The following DGKG variants were observed in gnomAD, a reference collection of about 807,000 sequenced individuals.
DGKG encodes the protein DAG kinase gamma.
A neutral mutation model predicts 105.3 loss-of-function variants in DGKG; 78 were observed. The ratio of observed to expected loss-of-function variants is 0.74; its 90% CI spans 0.62 to 0.89. DGKG has a LOEUF of 0.89. DGKG is among the 40% of genes least tolerant of loss of function. The pLI is 0.00. For synonymous variants in DGKG, 346 were observed against 367.1 expected (o/e 0.94, Z 0.66); for missense variants, 958 against 1,020.1 (o/e 0.94, Z 0.83).
At chr3:186,310,413 T>TA (rs890444469) in intron 2 of DGKG, among the ~76,000 whole-genome samples, 13 of 152,220 alleles carry the variant, frequency 8.5e-5, no homozygotes, top group African/African-American at 2.9e-4. Context: ...CAATACCCTT[T>TA]AAAAAAGGGA....
intron 1 of DGKG, among the ~76,000 whole-genome samples, chr3:186,321,206 G>T (rs1224286509): frequency 1.3e-5 from 2 of 152,224 alleles, no homozygotes; most frequent in Non-Finnish European, 2.9e-5. Context: ...GGAATGGGCT[G>T]CTGGCCTCAA....
intron 21 of DGKG, among the ~76,000 whole-genome samples, chr3:186,205,380 A>C (rs1269729185): frequency 6.6e-6 from 1 of 152,014 alleles, no homozygotes; most frequent in Non-Finnish European, 1.5e-5. Flanking sequence ...TGGGGCCTTC[A>C]GCTTTATCTG....
intron 5 of DGKG, among the ~76,000 whole-genome samples, chr3:186,289,426 A>C (rs1406519552): frequency 6.6e-6 from 1 of 152,220 alleles, no homozygotes; most frequent in Non-Finnish European, 1.5e-5. Context: ...TGGATGAAGA[A>C]AATGCAGAAA....
At chr3:186,175,571 G>A (rs6770223) in intron 22 of DGKG, among the ~76,000 whole-genome samples, 59,201 of 151,920 alleles carry the variant, frequency 0.39, 13,150 homozygotes, top group East Asian at 0.74. Context: ...CTGAAGCAAG[G>A]GTCTGACAGG....
intron 20 of DGKG, among the ~76,000 whole-genome samples, chr3:186,227,903 G>A (rs1719931244): frequency 6.6e-6 from 1 of 152,000 alleles, no homozygotes; most frequent in African/African-American, 2.4e-5. Context: ...TATGCAAAAG[G>A]GCAATAATTT....
At chr3:186,202,062 A>G (rs951851143) in intron 21 of DGKG, among the ~76,000 whole-genome samples, 6 of 152,212 alleles carry the variant, frequency 3.9e-5, no homozygotes, top group African/African-American at 1.4e-4. Context: ...TCTTGGGAGT[A>G]CTTACTTGTT....
chr3:186,234,703 G>A (rs886978764), intron 20 of DGKG, among the ~76,000 whole-genome samples: 1 of 152,194 alleles, frequency 6.6e-6, no homozygotes, highest in Non-Finnish European at 1.5e-5. Flanking sequence ...ACCTTGTAGG[G>A]AGGCTTGAGA....
chr3:186,306,128 T>A (rs1274737611), intron 3 of DGKG, among the ~76,000 whole-genome samples: 13 of 151,922 alleles, frequency 8.6e-5, no homozygotes, highest in Non-Finnish European at 1.8e-4. Flanking sequence ...GTGATTTGAG[T>A]GGAAGAGTGA....
At chr3:186,334,363 G>A (rs944588512) in intron 1 of DGKG, among the ~76,000 whole-genome samples, 2 of 152,164 alleles carry the variant, frequency 1.3e-5, no homozygotes, top group African/African-American at 2.4e-5. Flanking sequence ...AACTGATGGA[G>A]GGTGGATTTA....
chr3:186,231,640 C>T lies in DGKG; in HGVS notation c.1826+10864G>A, dbSNP rs1720157505. ...TCATGCTTTAAAAACTATACTAGGC[C>T]AGGTGTGGTCACTCACGCCTGTAAT... On this transcript the variant is annotated intron_variant, in intron 20 of 24. Transcript: ENST00000265022. This position sits in a 1 kb window ranked among gnomAD's most constrained non-coding sequence, Gnocchi z 4.5. Among the ~76,000 whole-genome samples the T allele has an allele frequency of 6.6e-6, 1 of 152,104 alleles. No homozygotes were observed. The highest frequency in any genetic ancestry group is 6.5e-5 in the Admixed American group (1 of 15,274).
At chr3:186,297,538 A>G in intron 4 of DGKG, 55 bp from the exon 5 acceptor site, 1 of 1,290,642 alleles carries the variant, frequency 7.7e-7, no homozygotes, top group East Asian at 2.3e-5. Context: ...GCTTCTTGGA[A>G]GGGCAGGTAC....
chr3:186,216,258 T>C (rs1719286510), intron 20 of DGKG, among the ~76,000 whole-genome samples: 1 of 152,030 alleles, frequency 6.6e-6, no homozygotes, highest in African/African-American at 2.4e-5. Flanking sequence ...CCTTGGCCTC[T>C]CAAAGTATTG....
At chr3:186,221,780 C>A (rs1361633163) in intron 20 of DGKG, among the ~76,000 whole-genome samples, 2 of 152,118 alleles carry the variant, frequency 1.3e-5, no homozygotes, top group African/African-American at 4.8e-5. Flanking sequence ...CTTCCTGGGT[C>A]CTGATCAACC....
chr3:186,328,875 G>A (rs1725471992), intron 1 of DGKG, among the ~76,000 whole-genome samples: 2 of 152,034 alleles, frequency 1.3e-5, no homozygotes, highest in Admixed American at 6.6e-5. Flanking sequence ...CACTGCGCCC[G>A]GCCTTACACC....
At chr3:186,304,411 A>C (rs1166340727) in intron 3 of DGKG, among the ~76,000 whole-genome samples, 1 of 152,194 alleles carries the variant, frequency 6.6e-6, no homozygotes, top group Admixed American at 6.5e-5. Flanking sequence ...TTTTATCCAA[A>C]GCCCCTTTTA....
At chr3:186,182,942 T>A (rs1355709516) in intron 22 of DGKG, among the ~76,000 whole-genome samples, 2 of 152,172 alleles carry the variant, frequency 1.3e-5, no homozygotes, top group African/African-American at 4.8e-5. Flanking sequence ...AGAACACACA[T>A]GCCCGTGACA....
At chr3:186,176,256 A>G (rs912613492) in intron 22 of DGKG, among the ~76,000 whole-genome samples, 1 of 152,206 alleles carries the variant, frequency 6.6e-6, no homozygotes, top group Non-Finnish European at 1.5e-5. Flanking sequence ...GGTACACTGT[A>G]TGTAATAAAA....
chr3:186,165,160 A>G lies in DGKG; in HGVS notation c.2096-142T>C, dbSNP rs551398678. The G allele has an allele frequency of 6.0e-6, 5 of 830,922 alleles. No individual in the cohort carries two copies. The Admixed American group carries it at 1.6e-4, about 27-fold the overall frequency. The allele number at this position is 830,922 out of a possible 1,614,324, so 51.5% of individuals were successfully genotyped here. A position where few individuals can be genotyped will look rare whatever the true frequency, so the allele number is the denominator to read the frequency against. ...AACACCTTTTTCATATTCACTCTGAATAGGGTGTTTCCCCAAAGATCAATA... is the reference window on the plus strand; with the variant it reads ...AACACCTTTTTCATATTCACTCTGAGTAGGGTGTTTCCCCAAAGATCAATA... On this transcript the variant is annotated intron_variant, in intron 22 of 24. Coordinates refer to ENST00000265022, the MANE Select transcript of DGKG (RefSeq NM_001346.3).
Position 186,260,429 on chromosome 3 carries a change from A to G in DGKG, c.1424+10T>C, listed in dbSNP as rs1262933461. ...GGAGAAATAAGAGGTAAAGATTGTG[A>G]TCTCCATACCCTGGAGTAGGCCCCC... On this transcript the variant is annotated intron_variant, in intron 16 of 24. Coordinates refer to ENST00000265022, the MANE Select transcript of DGKG (RefSeq NM_001346.3). 1.3e-6 allele frequency: 2 copies of G among 1,595,726 alleles called. No homozygotes were observed. Among genetic ancestry groups the G allele is most frequent in the African/African-American group, 1.3e-5 (1 of 74,636 alleles).
Sources: gnomAD v4.1 joint callset for allele counts (sites outside exome capture counted in the v4.1 genomes callset) on GRCh38, gnomAD v4.1.1 for gene constraint, Gnocchi (gnomAD v3.1) non-coding constraint, MANE v1.5 for transcripts, NCBI Gene and HGNC (gene_info 2026-07-23, HGNC 2026-07-21) for gene names.